Variants in AIG1 observed in about 807,000 individuals in gnomAD.
AIG1 encodes androgen induced 1, also known as androgen-induced gene 1 protein.
In AIG1, 23 loss-of-function variants were observed where a neutral mutation model predicts 31.4. That is an observed-to-expected ratio of 0.73 (90% CI 0.53 to 1.04). The LOEUF (loss-of-function observed/expected upper bound fraction) is 1.04. AIG1 is among the 50% of genes least tolerant of loss of function. The pLI, the probability that AIG1 is intolerant of heterozygous loss-of-function variation, is 0.00. For synonymous variants in AIG1, 100 were observed against 110.5 expected, an observed-to-expected ratio of 0.90 and a Z score of 0.60; for missense variants, 274 against 295.0, an observed-to-expected ratio of 0.93 and a Z score of 0.52.
intron 3 of AIG1, among the ~76,000 whole-genome samples, chr6:143,168,632 C>A (rs1484816972): frequency 2.0e-5 from 3 of 151,772 alleles, no homozygotes; most frequent in Non-Finnish European, 2.9e-5. Flanking sequence ...CTTGGTGAAA[C>A]CCTGTCTCTT....
rs369335968 is a variant in AIG1, at chr6:143,329,644, A to G, written c.516-3638A>G. 6.6e-6 allele frequency among the ~76,000 whole-genome samples: 1 copy of G among 152,116 alleles called. No individual in the cohort carries two copies. The highest frequency in any genetic ancestry group is 2.1e-4 in the South Asian group (1 of 4,812). ...TACTTAAACAAGTAGTCAGCAGATG[A>G]CAGCCGGTGTGCCAAATCCAGCCCA... is the stretch of plus-strand genomic sequence containing the variant. On this transcript the variant is annotated intron_variant, in intron 4 of 5. Transcript: ENST00000357847. This position sits in a 1 kb window ranked among gnomAD's most constrained non-coding sequence, Gnocchi z 4.9.
intron 4 of AIG1, among the ~76,000 whole-genome samples, chr6:143,289,198 T>C (rs1797889173): frequency 6.6e-6 from 1 of 152,138 alleles, no homozygotes; most frequent in Non-Finnish European, 1.5e-5. Context: ...CCACAAAAGA[T>C]GGCTCTGCAG....
chr6:143,181,740 G>A (rs1347479605), intron 3 of AIG1, among the ~76,000 whole-genome samples: 1 of 152,128 alleles, frequency 6.6e-6, no homozygotes, highest in Non-Finnish European at 1.5e-5. Context: ...GAGGGAGAAA[G>A]GGGAGACAGG....
chr6:143,219,025 G>A (rs527683824), intron 3 of AIG1, among the ~76,000 whole-genome samples: 5 of 152,212 alleles, frequency 3.3e-5, no homozygotes, highest in African/African-American at 9.6e-5. Context: ...TCCTGTATTC[G>A]TTGTTCAAAA....
intron 3 of AIG1, among the ~76,000 whole-genome samples, chr6:143,191,711 G>C (rs1229386740): frequency 6.6e-6 from 1 of 151,990 alleles, no homozygotes; most frequent in Non-Finnish European, 1.5e-5. Context: ...GAGGAAGAAG[G>C]GAAAGAAAGG....
chr6:143,188,805 C>T (rs1430407602), intron 3 of AIG1: 4 of 985,136 alleles, frequency 4.1e-6, no homozygotes, highest in Non-Finnish European at 4.8e-6. Context: ...GGGAAACATA[C>T]TGGCAATAGC....
intron 4 of AIG1, among the ~76,000 whole-genome samples, chr6:143,324,764 A>G (rs777505142): frequency 6.6e-6 from 1 of 152,244 alleles, no homozygotes; most frequent in Non-Finnish European, 1.5e-5. Context: ...CTAGATCTCA[A>G]GCAACCTAAT....
At chr6:143,104,538 C>T (rs1265906336) in intron 1 of AIG1, among the ~76,000 whole-genome samples, 1 of 152,158 alleles carries the variant, frequency 6.6e-6, no homozygotes, top group Non-Finnish European at 1.5e-5. Flanking sequence ...GACCTCTTAG[C>T]CTTTCCCAGG....
intron 4 of AIG1, among the ~76,000 whole-genome samples, chr6:143,321,599 TTAAAA>T (rs1436537285): frequency 2.6e-5 from 4 of 151,602 alleles, no homozygotes; most frequent in African/African-American, 4.8e-5. Context: ...AAAAAAAAAA[TTAAAA>T]TGAAATGAAA....
intron 1 of AIG1, among the ~76,000 whole-genome samples, chr6:143,128,965 A>G (rs557848850): frequency 2.0e-5 from 3 of 152,346 alleles, no homozygotes; most frequent in East Asian, 1.9e-4. Flanking sequence ...GCATAACCCA[A>G]ACATGTCCTC....
In AIG1 at chr6:143,268,753, T is replaced by C. The variant is rs1272870259; in HGVS notation, c.400-15357T>C. On this transcript the variant is annotated intron_variant, in intron 3 of 5. Transcript: ENST00000357847. The surrounding 1 kb of genome is among the most constrained non-coding windows in gnomAD (Gnocchi z 5.0). The stretch of plus-strand genomic sequence containing the variant: ...AGACTAGCTGTATTACTTGGTGTAG[T>C]GTTAACCATGTTTGGTGGATGCCAG... Among the ~76,000 whole-genome samples the C allele has an allele frequency of 6.6e-6, 1 of 152,202 alleles. No homozygotes were observed. Among genetic ancestry groups the C allele is most frequent in the Non-Finnish European group, 1.5e-5 (1 of 68,038 alleles).
chr6:143,284,247 C>A lies in AIG1; in HGVS notation c.515+22C>A. The A allele has an allele frequency of 1.3e-6, 2 of 1,553,172 alleles. No individual in the cohort carries two copies. Among genetic ancestry groups the A allele is most frequent in the Non-Finnish European group, 1.8e-6 (2 of 1,128,404 alleles). ...TATGGTAAGGACCATGCCTGCTGGG[C>A]TTTCTTATTGTATTAGATTTTGCAC... On this transcript the variant is annotated intron_variant, in intron 4 of 5. Coordinates refer to ENST00000357847, the MANE Select transcript of AIG1 (RefSeq NM_016108.4). This position sits in a 1 kb window ranked among gnomAD's most constrained non-coding sequence, Gnocchi z 4.4.
chr6:143,197,542 C>G (rs1419862964), intron 3 of AIG1, among the ~76,000 whole-genome samples: 10 of 152,206 alleles, frequency 6.6e-5, no homozygotes, highest in Admixed American at 6.5e-4. Context: ...CTTGGGCACT[C>G]AACCAGAATA....
At chr6:143,101,683 A>G (rs940480427) in intron 1 of AIG1, among the ~76,000 whole-genome samples, 1 of 152,138 alleles carries the variant, frequency 6.6e-6, no homozygotes, top group African/African-American at 2.4e-5. Context: ...GTGAGGGATA[A>G]AAGACTAGAA....
intron 1 of AIG1, among the ~76,000 whole-genome samples, chr6:143,102,053 A>G (rs2128483984): frequency 6.6e-6 from 1 of 152,252 alleles, no homozygotes; most frequent in South Asian, 2.1e-4. Context: ...CAGTATTAAT[A>G]TATTCCTGAA....
intron 3 of AIG1, among the ~76,000 whole-genome samples, chr6:143,224,341 G>A (rs563046028): frequency 3.9e-5 from 6 of 152,206 alleles, no homozygotes; most frequent in South Asian, 2.1e-4. Flanking sequence ...ATTAAGTTGA[G>A]GGCAGGAAAC....
At chr6:143,198,547 A>G (rs1790442600) in intron 3 of AIG1, among the ~76,000 whole-genome samples, 1 of 152,258 alleles carries the variant, frequency 6.6e-6, no homozygotes, top group Non-Finnish European at 1.5e-5. Context: ...AACAGATACC[A>G]AAATAACAGT....
intron 2 of AIG1, among the ~76,000 whole-genome samples, chr6:143,155,025 T>G (rs1046886376): frequency 1.3e-5 from 2 of 151,506 alleles, no homozygotes; most frequent in Non-Finnish European, 3.0e-5. Flanking sequence ...TTTTTTTTTT[T>G]TTTTTGTATT....
chr6:143,339,753 G>A lies in AIG1; in HGVS notation c.*77G>A. The A allele has an allele frequency of 6.6e-7, 1 of 1,523,728 alleles. No individual in the cohort carries two copies. Among genetic ancestry groups the A allele is most frequent in the Non-Finnish European group, 9.0e-7 (1 of 1,113,872 alleles). The allele number at this position is 1,523,728 out of a possible 1,614,324, so 94.4% of individuals were successfully genotyped here. On this transcript the variant is annotated 3_prime_UTR_variant, in exon 6 of 6. Coordinates refer to ENST00000357847, the MANE Select transcript of AIG1 (RefSeq NM_016108.4). ...CCCCTCGGGCATTGGCAGTGGGGGA[G>A]AAAAGGCTTCAAAGGAACTTGGTGG... is the stretch of plus-strand genomic sequence containing the variant.
Sources: gnomAD v4.1 joint callset for allele counts (sites outside exome capture counted in the v4.1 genomes callset) on GRCh38, gnomAD v4.1.1 for gene constraint, Gnocchi (gnomAD v3.1) non-coding constraint, MANE v1.5 for transcripts, NCBI Gene and HGNC (gene_info 2026-07-23, HGNC 2026-07-21) for gene names.